Variants in APOL2 observed in about 807,000 individuals in gnomAD.
The protein encoded by APOL2 is apolipoprotein L2.
Under a neutral mutation model 7.1 loss-of-function variants are expected in APOL2, and 8 were observed. That is an observed-to-expected ratio of 1.12 (90% CI 0.66 to 2.03). The LOEUF (loss-of-function observed/expected upper bound fraction) is 2.03, where lower values mean the gene tolerates loss of function less well. Ranked by LOEUF, APOL2 falls within the 30% of genes most tolerant of loss-of-function variation. The pLI is 0.00. For synonymous variants in APOL2, 177 were observed against 159.9 expected (o/e 1.11, Z -0.81); for missense variants, 471 against 415.1 (o/e 1.13, Z -1.17).
intron 1 of APOL2, among the ~76,000 whole-genome samples, chr22:36,234,741 T>C (rs1236842209): frequency 1.3e-5 from 2 of 152,214 alleles, no homozygotes; most frequent in African/African-American, 4.8e-5. Context: ...TTTGCACCAC[T>C]AATTGCTCTA....
intron 3 of APOL2, 139 bp from the exon 4 acceptor site, chr22:36,231,605 A>T: frequency 9.3e-7 from 1 of 1,079,386 alleles, no homozygotes; most frequent in Non-Finnish European, 1.3e-6. Flanking sequence ...TCAGTGCTAT[A>T]GAGGGATTGT....
intron 1 of APOL2, among the ~76,000 whole-genome samples, chr22:36,237,972 G>A (rs1569533036): frequency 6.6e-6 from 1 of 152,102 alleles, no homozygotes; most frequent in African/African-American, 2.4e-5. Context: ...CCATGTGCAA[G>A]TCACCTGTCC....
chr22:36,235,195 GA>G (rs1386992094), intron 1 of APOL2, among the ~76,000 whole-genome samples: 2 of 152,062 alleles, frequency 1.3e-5, no homozygotes, highest in South Asian at 2.1e-4. Context: ...CTACACCAGT[GA>G]AAAAAATCAG....
At position 36,227,741 on chromosome 22, in the gene APOL2, G is replaced by A; in HGVS notation, c.677C>T (p.Ala226Val). ...VTQGIGRNIRAIRRARANPQL... is the reference protein window; with the variant it reads ...VTQGIGRNIRVIRRARANPQL... ...AGGGTTGGCTCTGGCTCGTCTGATG[G>A]CACGGATGTTCCTCCCAATCCCTTG... The change falls in exon 5 of 5, where the codon GCC becomes GTC. Residue 226 changes from alanine to valine, a missense_variant. Physicochemically the swap from Ala to Val is moderately conservative, Grantham distance 64 (BLOSUM62 0). Coordinates refer to ENST00000358502, the MANE Select transcript of APOL2 (RefSeq NM_030882.4). 6.2e-7 allele frequency: 1 copy of A among 1,614,202 alleles called. No individual in the cohort carries two copies. Among genetic ancestry groups the A allele is most frequent in the Non-Finnish European group, 8.5e-7 (1 of 1,180,042 alleles).
Position 36,228,234 on chromosome 22 carries a change from G to A in APOL2, c.184C>T (p.His62Tyr). ...LRKALNKLASHMVMKDKNRHD... is the reference protein window; with the variant it reads ...LRKALNKLASYMVMKDKNRHD... Reference sequence around the variant, plus strand: ...CGGTTTTTGTCCTTCATGACCATGTGACTTGCAAGCTTGTTCAGAGCTTTA... The same window carrying A: ...CGGTTTTTGTCCTTCATGACCATGTAACTTGCAAGCTTGTTCAGAGCTTTA... Residue 62 changes from histidine (H) to tyrosine (Y), a missense_variant, in exon 5 of 5, where the codon CAC becomes TAC. Transcript: ENST00000358502. 1 of 1,614,176 alleles carries A rather than the reference G, an allele frequency of 6.2e-7. No individual in the cohort carries two copies. The highest frequency in any genetic ancestry group is 8.5e-7 in the Non-Finnish European group (1 of 1,180,028).
intron 1 of APOL2, among the ~76,000 whole-genome samples, chr22:36,234,957 A>G (rs1294856281): frequency 2.0e-5 from 3 of 152,228 alleles, no homozygotes; most frequent in Non-Finnish European, 4.4e-5. Context: ...TCTGCTGCCA[A>G]TGAAAATTTA....
intron 1 of APOL2, chr22:36,239,088 T>C (rs2015512214): frequency 1.7e-6 from 2 of 1,147,006 alleles, no homozygotes; most frequent in Non-Finnish European, 2.2e-6. Context: ...CTCCACCTTC[T>C]TTGATTCCTT....
Position 36,230,203 on chromosome 22 carries a change from C to T in APOL2, c.137+1137G>A, listed in dbSNP as rs147737724. ...TGGGACTTTGTGAGTCTGCTCAGTA[C>T]CCCTGAAATTACACAAATTGGCAGC... On this transcript the variant is annotated intron_variant, in intron 4 of 4. Coordinates refer to ENST00000358502, the MANE Select transcript of APOL2 (RefSeq NM_030882.4). 4.6e-5 allele frequency among the ~76,000 whole-genome samples: 7 copies of T among 152,292 alleles called. No individual in the cohort carries two copies. The East Asian group carries it at 9.6e-4, about 21-fold the overall frequency.
chr22:36,234,914 G>A (rs1356160241), intron 1 of APOL2, among the ~76,000 whole-genome samples: 2 of 152,132 alleles, frequency 1.3e-5, no homozygotes, highest in Admixed American at 6.5e-5. Context: ...CCAGACAGAC[G>A]GACTCAAGAA....
At chr22:36,230,881 T>C (rs1047611270) in intron 4 of APOL2, among the ~76,000 whole-genome samples, 2 of 152,164 alleles carry the variant, frequency 1.3e-5, no homozygotes, top group African/African-American at 4.8e-5. Context: ...TTTCTGACTT[T>C]TCCCAAAGGA....
rs1342539769 is a variant in APOL2, at chr22:36,229,075, T to C, written c.138-795A>G. ...CACACTCACCCACTGCTTTCTGGAC[T>C]TGCACCACCTTGGCTCAGCAAGAAT... is the stretch of plus-strand genomic sequence containing the variant. On this transcript the variant is annotated intron_variant, in intron 4 of 4. Transcript: ENST00000358502. 2.6e-5 allele frequency among the ~76,000 whole-genome samples: 4 copies of C among 152,302 alleles called. No homozygotes were observed. In the East Asian group the frequency reaches 7.7e-4, roughly 29 times the overall value.
At position 36,231,469 on chromosome 22, in the gene APOL2, A is replaced by T. The variant is rs2015222149; in HGVS notation, c.11-3T>A. On this transcript the variant is annotated splice_polypyrimidine_tract_variant and splice_region_variant and intron_variant, in intron 3 of 4. Transcript: ENST00000358502. ...ATCCTCAATAAAGATACTGCTCTCT[A>T]GTTGGAAAGAAGAAAGGATAAGGTT... The T allele has an allele frequency of 6.2e-7, 1 of 1,606,846 alleles. No homozygotes were observed. Among genetic ancestry groups the T allele is most frequent in the South Asian group, 1.1e-5 (1 of 90,930 alleles).
chr22:36,233,489 G>A, intron 1 of APOL2, 34 bp from the exon 2 acceptor site: 2 of 1,526,772 alleles, frequency 1.3e-6, no homozygotes, highest in Non-Finnish European at 1.8e-6. Flanking sequence ...AATCAGAGGA[G>A]GGGCAGCCAT....
At position 36,227,930 on chromosome 22, in the gene APOL2, C is replaced by G; in HGVS notation, c.488G>C (p.Gly163Ala). The G allele has an allele frequency of 6.2e-7, 1 of 1,614,188 alleles. No homozygotes were observed. Among genetic ancestry groups the G allele is most frequent in the South Asian group, 1.1e-5 (1 of 91,082 alleles). Residue 163 changes from glycine (G) to alanine (A), a missense_variant, in exon 5 of 5, where the codon GGG (glycine) becomes GCG (alanine). Gly to Ala is a moderately conservative substitution (Grantham distance 60, BLOSUM62 0). Transcript: ENST00000358502. ...TAGTTCTACCACACTGCAGGTAATCCCAGCCACAGCAGCTGCTGCTCCCAG... is the reference window on the plus strand; with the variant it reads ...TAGTTCTACCACACTGCAGGTAATCGCAGCCACAGCAGCTGCTGCTCCCAG... ...MGLGAAAAVA[G>A]ITCSVVELVN...
At chr22:36,231,022 T>G (rs536375281) in intron 4 of APOL2, among the ~76,000 whole-genome samples, 2 of 152,240 alleles carry the variant, frequency 1.3e-5, no homozygotes, top group African/African-American at 4.8e-5. Flanking sequence ...TTTACATGCA[T>G]GATCTCATTT....
At chr22:36,236,951 A>G in intron 1 of APOL2, 1 of 1,339,146 alleles carries the variant, frequency 7.5e-7, no homozygotes, top group Non-Finnish European at 9.6e-7. Flanking sequence ...TCACTCTGTG[A>G]CACCCTAGGC....
chr22:36,232,591 C>G (rs1454258410), intron 3 of APOL2, among the ~76,000 whole-genome samples: 5 of 152,170 alleles, frequency 3.3e-5, no homozygotes, highest in African/African-American at 9.7e-5. Flanking sequence ...AGGTAAGGAG[C>G]TCCAGGTCAC....
At chr22:36,233,528 T>TTCCTGTGTATAG in intron 1 of APOL2, 73 bp from the exon 2 acceptor site, 4 of 1,339,980 alleles carry the variant, frequency 3.0e-6, no homozygotes, top group Non-Finnish European at 4.2e-6. Context: ...ACAGAGTCTA[T>TTCCTGTGTATAG]ACACAGGAAT....
At chr22:36,239,748 G>A, upstream of APOL2, 1 of 529,960 alleles carries the variant, frequency 1.9e-6, no homozygotes, top group Non-Finnish European at 3.4e-6. Context: ...CACATCCTCA[G>A]GATTCAAGGT....
Sources: gnomAD v4.1 joint callset for allele counts (sites outside exome capture counted in the v4.1 genomes callset) on GRCh38, gnomAD v4.1.1 for gene constraint, MANE v1.5 for transcripts, NCBI Gene and HGNC (gene_info 2026-07-23, HGNC 2026-07-21) for gene names.